Variants in CCDC102B observed in about 807,000 individuals in gnomAD.
The protein encoded by CCDC102B is coiled-coil domain-containing protein 102B.
Under a neutral mutation model 57.4 loss-of-function variants are expected in CCDC102B, and 75 were observed. The observed-to-expected ratio is 1.31, with a 90% CI of 1.08 to 1.58. CCDC102B has a LOEUF of 1.58. Among genes scored for constraint, CCDC102B ranks in the 40% most tolerant of loss-of-function variants. CCDC102B has a pLI of 0.00. For synonymous variants in CCDC102B, 206 were observed against 201.9 expected (o/e 1.02, Z -0.17); for missense variants, 636 against 582.6 (o/e 1.09, Z -0.94).
intron 4 of CCDC102B, among the ~76,000 whole-genome samples, chr18:68,874,461 A>ATT (rs5825879): frequency 1.0e-4 from 15 of 150,596 alleles, no homozygotes; most frequent in East Asian, 1.9e-4. Context: ...AGATTTGCTG[A>ATT]TTTTTTTTTA....
At chr18:68,957,808 A>G (rs546008295) in intron 6 of CCDC102B, among the ~76,000 whole-genome samples, 4 of 152,156 alleles carry the variant, frequency 2.6e-5, no homozygotes, top group Admixed American at 2.0e-4. Flanking sequence ...TACAATTTTC[A>G]TCATAAAGAT....
At chr18:69,055,903 T>A (rs972515861), downstream of CCDC102B, among the ~76,000 whole-genome samples, 7 of 152,126 alleles carry the variant, frequency 4.6e-5, no homozygotes. Flanking sequence ...CATTATATCA[T>A]GTTCTCTTTT....
chr18:69,023,210 T>C (rs1344369454), intron 7 of CCDC102B, among the ~76,000 whole-genome samples: 1 of 152,178 alleles, frequency 6.6e-6, no homozygotes, highest in Non-Finnish European at 1.5e-5. Context: ...CTTGGGTTCA[T>C]CATTTAGCCT....
At chr18:68,794,897 A>G (rs2035577653), upstream of CCDC102B, among the ~76,000 whole-genome samples, 1 of 152,012 alleles carries the variant, frequency 6.6e-6, no homozygotes, top group African/African-American at 2.4e-5. Context: ...CACCTTCTCC[A>G]TTTTCTGACC....
intron 5 of CCDC102B, among the ~76,000 whole-genome samples, chr18:68,886,590 G>A (rs901943027): frequency 3.3e-5 from 5 of 151,960 alleles, no homozygotes; most frequent in African/African-American, 9.7e-5. Flanking sequence ...TTATTTCAAT[G>A]TTTGTTTTTC....
At chr18:68,727,349 T>C (rs1350819414) in intron 2 of CCDC102B, among the ~76,000 whole-genome samples, 1 of 152,224 alleles carries the variant, frequency 6.6e-6, no homozygotes, top group Non-Finnish European at 1.5e-5. Context: ...TAAAGACAGT[T>C]ACTAGATAGT....
At chr18:69,011,153 T>C in intron 7 of CCDC102B, 49 bp downstream of exon 7, 2 of 1,487,576 alleles carry the variant, frequency 1.3e-6, no homozygotes, top group African/African-American at 1.4e-5. Flanking sequence ...AAATAGTATT[T>C]TAGAGCATAT....
At chr18:68,948,176 A>G (rs2049592746) in intron 6 of CCDC102B, among the ~76,000 whole-genome samples, 1 of 152,130 alleles carries the variant, frequency 6.6e-6, no homozygotes, top group Admixed American at 6.6e-5. Flanking sequence ...GTCACATAAG[A>G]TGAAAGAAAT....
At position 68,965,263 on chromosome 18, in the gene CCDC102B, G is replaced by A. The variant is rs1483381842; in HGVS notation, c.1264-45671G>A. ...ATTTCTTTTCAGTCTCTTTTTTCCT[G>A]GATTGTTCATTGGCTAATTTCTGTT... On this transcript the variant is annotated intron_variant, in intron 6 of 7. Transcript: ENST00000360242. Among the ~76,000 whole-genome samples the A allele has an allele frequency of 2.0e-5, 3 of 151,186 alleles. No homozygotes were observed. In the East Asian group the frequency reaches 5.8e-4, roughly 29 times the overall value.
intron 2 of CCDC102B, among the ~76,000 whole-genome samples, chr18:68,721,996 G>C (rs1232335710): frequency 2.0e-5 from 3 of 152,216 alleles, no homozygotes; most frequent in Non-Finnish European, 4.4e-5. Flanking sequence ...AGTGGGGCAA[G>C]TACATGATAC....
chr18:68,943,970 T>C (rs1170698472), intron 6 of CCDC102B, among the ~76,000 whole-genome samples: 1 of 152,028 alleles, frequency 6.6e-6, no homozygotes, highest in Non-Finnish European at 1.5e-5. Flanking sequence ...CTCTAAATCC[T>C]TCATTAGAGT....
chr18:68,811,924 C>G (rs2036281325), intron 1 of CCDC102B, among the ~76,000 whole-genome samples: 1 of 152,134 alleles, frequency 6.6e-6, no homozygotes, highest in South Asian at 2.1e-4. Flanking sequence ...AGAATGTTCA[C>G]TTAAAGGGGA....
chr18:68,915,221 T>C (rs557208962), intron 6 of CCDC102B, among the ~76,000 whole-genome samples: 30 of 152,348 alleles, frequency 2.0e-4, no homozygotes, highest in African/African-American at 6.7e-4. Context: ...GCATTGGCCT[T>C]GACAGCATGT....
intron 6 of CCDC102B, among the ~76,000 whole-genome samples, chr18:68,909,751 G>T (rs947440374): frequency 8.5e-5 from 13 of 152,058 alleles, no homozygotes; most frequent in African/African-American, 3.1e-4. Context: ...TAATTAAGGG[G>T]GTTATCACAA....
intron 2 of CCDC102B, among the ~76,000 whole-genome samples, chr18:68,728,846 T>C (rs767306059): frequency 1.3e-5 from 2 of 151,958 alleles, no homozygotes; most frequent in African/African-American, 4.8e-5. Flanking sequence ...TCCTAGCTTG[T>C]GTAGTAAAAG....
Position 68,883,631 on chromosome 18 carries a change from TC to T in CCDC102B, c.1053+8847del. Among the ~76,000 whole-genome samples the T allele has an allele frequency of 1.3e-5, 2 of 152,298 alleles. 1 individual carries two copies. ...TCTGGAAAAATTGAGACAGAAGAACTCTAAACTAAACCATTGTGCGTGCAAC... is the reference window on the plus strand; with the variant it reads ...TCTGGAAAAATTGAGACAGAAGAACTTAAACTAAACCATTGTGCGTGCAAC... On this transcript the variant is annotated intron_variant, in intron 5 of 7. Transcript: ENST00000360242.
intron 6 of CCDC102B, among the ~76,000 whole-genome samples, chr18:68,911,642 C>T (rs1424713332): frequency 2.1e-5 from 3 of 146,036 alleles, no homozygotes; most frequent in Non-Finnish European, 4.5e-5. Context: ...GTCCCAGCTA[C>T]TCGAGAGGCT....
chr18:68,880,075 C>T (rs1258026580), intron 5 of CCDC102B, among the ~76,000 whole-genome samples: 4 of 152,114 alleles, frequency 2.6e-5, no homozygotes, highest in Admixed American at 1.3e-4. Context: ...GCTTGGGCCC[C>T]ACGGGAGCCC....
intron 5 of CCDC102B, among the ~76,000 whole-genome samples, chr18:68,893,291 G>A (rs1030242413): frequency 1.3e-5 from 2 of 152,086 alleles, no homozygotes; most frequent in Non-Finnish European, 2.9e-5. Context: ...AAAAATTGAG[G>A]CAATCAGTCT....
Sources: gnomAD v4.1 joint callset for allele counts (sites outside exome capture counted in the v4.1 genomes callset) on GRCh38, gnomAD v4.1.1 for gene constraint, MANE v1.5 for transcripts, NCBI Gene and HGNC (gene_info 2026-07-23, HGNC 2026-07-21) for gene names.